MACROD2: variants seen among roughly 807,000 people sequenced by gnomAD.
MACROD2 encodes ADP-ribose glycohydrolase MACROD2.
A neutral mutation model predicts 70.4 loss-of-function variants in MACROD2; 36 were observed. The ratio of observed to expected loss-of-function variants is 0.51; its 90% CI spans 0.39 to 0.68. The LOEUF is 0.68. Ranked by LOEUF, MACROD2 falls within the 30% of genes least tolerant of loss-of-function variation. The pLI, the probability that MACROD2 is intolerant of heterozygous loss-of-function variation, is 0.00. For synonymous variants in MACROD2, 172 were observed against 178.8 expected (o/e 0.96, Z 0.30); for missense variants, 496 against 538.4 (o/e 0.92, Z 0.78).
At chr20:15,226,915 T>C (rs546491184) in intron 5 of MACROD2, among the ~76,000 whole-genome samples, 1 of 152,288 alleles carries the variant, frequency 6.6e-6, no homozygotes, top group African/African-American at 2.4e-5. Flanking sequence ...ACAGGCCTCC[T>C]GACTGAATTT....
intron 3 of MACROD2, among the ~76,000 whole-genome samples, chr20:14,115,748 C>T (rs1231413755): frequency 6.6e-6 from 1 of 151,960 alleles, no homozygotes; most frequent in Admixed American, 6.6e-5. Context: ...TTCTTCAGTG[C>T]TGCATAAATG....
intron 5 of MACROD2, chr20:14,888,793 A>G (rs1368568598): frequency 1.3e-5 from 2 of 152,192 alleles, no homozygotes; most frequent in Admixed American, 1.3e-4. Flanking sequence ...GTATAACAAA[A>G]CAATCTATGA....
intron 3 of MACROD2, among the ~76,000 whole-genome samples, chr20:14,240,858 T>C (rs1256889856): frequency 1.3e-5 from 2 of 152,158 alleles, no homozygotes; most frequent in African/African-American, 4.8e-5. Flanking sequence ...TGGCTGGGCG[T>C]GGCGGCTCTT....
At chr20:14,610,050 A>T (rs1983063518) in intron 4 of MACROD2, among the ~76,000 whole-genome samples, 1 of 152,164 alleles carries the variant, frequency 6.6e-6, no homozygotes, top group Admixed American at 6.6e-5. Flanking sequence ...CAATAAGCAG[A>T]CATGTTCTGT....
chr20:15,837,296 C>A (rs188754773), intron 8 of MACROD2, among the ~76,000 whole-genome samples: 1 of 152,210 alleles, frequency 6.6e-6, no homozygotes, highest in Non-Finnish European at 1.5e-5. Context: ...GTAATCGGAT[C>A]TTTTAAAAGA....
chr20:14,267,857 T>C (rs1372409184), intron 3 of MACROD2, among the ~76,000 whole-genome samples: 1 of 151,958 alleles, frequency 6.6e-6, no homozygotes, highest in Non-Finnish European at 1.5e-5. Context: ...AAATGAAATA[T>C]GAGGGATTCA....
At chr20:14,496,124 G>T (rs1288168697) in intron 4 of MACROD2, among the ~76,000 whole-genome samples, 1 of 152,116 alleles carries the variant, frequency 6.6e-6, no homozygotes, top group African/African-American at 2.4e-5. Flanking sequence ...TATTTGTAAA[G>T]TAACAGCTAG....
chr20:15,089,571 T>G (rs972669291), intron 5 of MACROD2, among the ~76,000 whole-genome samples: 1 of 152,108 alleles, frequency 6.6e-6, no homozygotes, highest in African/African-American at 2.4e-5. Context: ...TATAGCATAA[T>G]GTATTTTATG....
intron 6 of MACROD2, among the ~76,000 whole-genome samples, chr20:15,337,800 T>C (rs946756613): frequency 6.6e-5 from 10 of 151,732 alleles, no homozygotes; most frequent in African/African-American, 2.4e-4. Flanking sequence ...TTGTAGAACA[T>C]ATAGAAGGAA....
intron 8 of MACROD2, among the ~76,000 whole-genome samples, chr20:15,815,459 G>T (rs2063863677): frequency 6.6e-6 from 1 of 151,496 alleles, no homozygotes; most frequent in Non-Finnish European, 1.5e-5. Context: ...CTCCAGACCT[G>T]TGTGCGACAG....
intron 9 of MACROD2, among the ~76,000 whole-genome samples, chr20:15,870,720 G>C (rs6080001): frequency 0.67 from 102,637 of 152,062 alleles, 37,090 homozygotes; most frequent in Non-Finnish European, 0.8. Context: ...TGTTCATTAC[G>C]TATTACCTAG....
chr20:14,329,062 C>T (rs1414632357), intron 3 of MACROD2: 4 of 151,954 alleles, frequency 2.6e-5, no homozygotes, highest in South Asian at 2.1e-4. Flanking sequence ...CAGTTACCCC[C>T]TACCTTTATT....
chr20:15,121,252 CTG>C (rs1390961177), intron 5 of MACROD2, among the ~76,000 whole-genome samples: 1 of 152,106 alleles, frequency 6.6e-6, no homozygotes, highest in Non-Finnish European at 1.5e-5. Flanking sequence ...TGGCTCACGC[CTG>C]TAATCCCAGC....
At chr20:15,096,600 C>A (rs1415967940) in intron 5 of MACROD2, among the ~76,000 whole-genome samples, 1 of 151,176 alleles carries the variant, frequency 6.6e-6, no homozygotes, top group African/African-American at 2.4e-5. Flanking sequence ...CAGCCTCCGC[C>A]TGCCAGGTTC....
chr20:14,460,811 A>G (rs1003033851), intron 3 of MACROD2, among the ~76,000 whole-genome samples: 10 of 152,022 alleles, frequency 6.6e-5, no homozygotes, highest in African/African-American at 2.4e-4. Context: ...TGTGTTGCTA[A>G]TTCAGTTTGC....
chr20:15,530,776 G>GT (rs561582811), intron 8 of MACROD2, among the ~76,000 whole-genome samples: 31 of 149,262 alleles, frequency 2.1e-4, no homozygotes, highest in African/African-American at 7.1e-4. Flanking sequence ...CGCGTATAAT[G>GT]TTTTTTCTGA....
intron 5 of MACROD2, among the ~76,000 whole-genome samples, chr20:14,795,173 G>A (rs559614714): frequency 1.4e-4 from 21 of 152,128 alleles, no homozygotes; most frequent in Non-Finnish European, 2.6e-4. Context: ...GTAAACAGTT[G>A]GGATTTTATT....
intron 3 of MACROD2, among the ~76,000 whole-genome samples, chr20:14,255,238 A>G (rs1373912283): frequency 6.6e-6 from 1 of 152,172 alleles, no homozygotes; most frequent in Non-Finnish European, 1.5e-5. Context: ...AATTGGATAA[A>G]GAGTCAAGAC....
intron 8 of MACROD2, among the ~76,000 whole-genome samples, chr20:15,769,734 C>T (rs2051590319): frequency 2.0e-5 from 3 of 152,104 alleles, no homozygotes; most frequent in African/African-American, 7.2e-5. Context: ...TATATATATC[C>T]TTAAAGTTAT....
Sources: gnomAD v4.1 joint callset for allele counts (sites outside exome capture counted in the v4.1 genomes callset) on GRCh38, gnomAD v4.1.1 for gene constraint, MANE v1.5 for transcripts, NCBI Gene and HGNC (gene_info 2026-07-23, HGNC 2026-07-21) for gene names.